The following RNF4 variants were observed in gnomAD, a reference collection of about 807,000 sequenced individuals.
RNF4 encodes the protein ring finger protein 4.
A neutral mutation model predicts 24.3 loss-of-function variants in RNF4; 7 were observed. The ratio of observed to expected loss-of-function variants is 0.29; its 90% CI spans 0.16 to 0.54. RNF4 has a LOEUF of 0.54. Among genes scored for constraint, RNF4 ranks in the 20% least tolerant of loss-of-function variants. RNF4 has a pLI of 0.95. For synonymous variants in RNF4, 83 were observed against 84.3 expected (o/e 0.98, Z 0.09); for missense variants, 209 against 248.5 (o/e 0.84, Z 1.07).
Position 2,512,964 on chromosome 4 carries a change from A to C in RNF4, c.375-119A>C, listed in dbSNP as rs1560415595. 1.0e-6 allele frequency: 1 copy of C among 983,092 alleles called. No individual in the cohort carries two copies. Among genetic ancestry groups the C allele is most frequent in the East Asian group, 2.4e-5 (1 of 41,936 alleles). 60.9% of individuals were successfully genotyped at this position (983,092 alleles called of 1,614,324 possible). On this transcript the variant is annotated intron_variant, in intron 6 of 7. Coordinates refer to ENST00000314289, the MANE Select transcript of RNF4 (RefSeq NM_002938.5). The surrounding 1 kb of genome is among the most constrained non-coding windows in gnomAD (Gnocchi z 4.1). ...GAAAGTCTCTCGGATGCCCGCGCTAAGGCAGAGTCAGGAGGCCAGGGACGG... is the reference window on the plus strand; with the variant it reads ...GAAAGTCTCTCGGATGCCCGCGCTACGGCAGAGTCAGGAGGCCAGGGACGG...
intron 2 of RNF4, among the ~76,000 whole-genome samples, chr4:2,492,069 G>A (rs1380122836): frequency 6.6e-6 from 1 of 151,934 alleles, no homozygotes. Context: ...ATAGTTGGCG[G>A]GCGCCTGTAG....
At chr4:2,493,072 G>C (rs1735627623) in intron 2 of RNF4, among the ~76,000 whole-genome samples, 1 of 152,146 alleles carries the variant, frequency 6.6e-6, no homozygotes. Context: ...GCCAGAGTGG[G>C]GAGCTCTGCA....
intron 1 of RNF4, 187 bp downstream of exon 1, chr4:2,469,445 C>G (rs922849762): frequency 6.6e-6 from 1 of 152,212 alleles, no homozygotes; most frequent in Non-Finnish European, 1.5e-5. Context: ...CGGCTTGGCG[C>G]GGGCAACAGA....
chr4:2,486,264 A>G (rs2108757840), intron 1 of RNF4, among the ~76,000 whole-genome samples: 1 of 152,292 alleles, frequency 6.6e-6, no homozygotes, highest in South Asian at 2.1e-4. Flanking sequence ...AGCTGTTGTT[A>G]GTTTTCTTAT....
intron 1 of RNF4, among the ~76,000 whole-genome samples, chr4:2,476,833 A>G (rs1350491130): frequency 6.7e-6 from 1 of 150,054 alleles, no homozygotes; most frequent in African/African-American, 2.5e-5. Flanking sequence ...TTTTAAAGAC[A>G]GAATCTTGTT....
intron 1 of RNF4, among the ~76,000 whole-genome samples, chr4:2,488,993 A>G (rs1434637989): frequency 1.3e-5 from 2 of 151,960 alleles, no homozygotes; most frequent in African/African-American, 2.4e-5. Context: ...TGTATTTTCT[A>G]GTAGAGACGG....
intron 1 of RNF4, among the ~76,000 whole-genome samples, chr4:2,474,858 C>T (rs1578496322): frequency 1.3e-5 from 2 of 152,056 alleles, no homozygotes; most frequent in Admixed American, 6.6e-5. Context: ...AACCCCGTCT[C>T]GACTAAAAAT....
At chr4:2,474,606 G>A (rs1735011214) in intron 1 of RNF4, among the ~76,000 whole-genome samples, 1 of 152,162 alleles carries the variant, frequency 6.6e-6, no homozygotes, top group South Asian at 2.1e-4. Context: ...GGGTTTGAAA[G>A]GATTGACTCC....
At chr4:2,501,763 C>T (rs907206541) in intron 4 of RNF4, among the ~76,000 whole-genome samples, 2 of 152,216 alleles carry the variant, frequency 1.3e-5, no homozygotes, top group East Asian at 1.9e-4. Context: ...GTAGCTGAGT[C>T]TTCGCCTTGG....
chr4:2,474,859 G>T (rs182062977), intron 1 of RNF4, among the ~76,000 whole-genome samples: 6 of 151,894 alleles, frequency 4.0e-5, no homozygotes, highest in Admixed American at 2.0e-4. Flanking sequence ...ACCCCGTCTC[G>T]ACTAAAAATA....
chr4:2,475,285 C>A (rs1365316436), intron 1 of RNF4, among the ~76,000 whole-genome samples: 2 of 152,226 alleles, frequency 1.3e-5, no homozygotes, highest in African/African-American at 4.8e-5. Flanking sequence ...CTCACCTCAG[C>A]CTCCCAAGTA....
intron 4 of RNF4, among the ~76,000 whole-genome samples, chr4:2,504,492 A>G (rs888420661): frequency 1.3e-5 from 2 of 151,684 alleles, no homozygotes; most frequent in South Asian, 2.1e-4. Context: ...TCTTTTGTGA[A>G]GTGCCTGTTT....
chr4:2,492,067 C>T (rs539661868), intron 2 of RNF4, among the ~76,000 whole-genome samples: 6 of 151,940 alleles, frequency 3.9e-5, no homozygotes, highest in East Asian at 1.9e-4. Flanking sequence ...GCATAGTTGG[C>T]GGGCGCCTGT....
At chr4:2,490,610 C>T (rs1578510020) in intron 2 of RNF4, 108 bp downstream of exon 2, 11 of 1,201,568 alleles carry the variant, frequency 9.2e-6, no homozygotes, top group South Asian at 6.7e-5. Context: ...TTCTAAGTAA[C>T]CCCACTTCTT....
At chr4:2,484,150 G>A (rs1735335725) in intron 1 of RNF4, among the ~76,000 whole-genome samples, 1 of 142,616 alleles carries the variant, frequency 7.0e-6, no homozygotes, top group Non-Finnish European at 1.5e-5. Flanking sequence ...TTTTCAGTGG[G>A]TAATTGTATC....
intron 2 of RNF4, among the ~76,000 whole-genome samples, chr4:2,491,473 G>T (rs1200367002): frequency 6.6e-6 from 1 of 151,792 alleles, no homozygotes; most frequent in Non-Finnish European, 1.5e-5. Flanking sequence ...TTTTGAGATG[G>T]AGTCTGTTGC....
chr4:2,512,250 T>G lies in RNF4; in HGVS notation c.215-188T>G. The G allele has an allele frequency of 2.7e-6, 2 of 734,318 alleles. No homozygotes were observed. The highest frequency in any genetic ancestry group is 2.2e-6 in the Non-Finnish European group (1 of 447,266). The allele number at this position is 734,318 out of a possible 1,614,324, so 45.5% of individuals were successfully genotyped here. On this transcript the variant is annotated intron_variant, in intron 5 of 7. Coordinates refer to ENST00000314289, the MANE Select transcript of RNF4 (RefSeq NM_002938.5). This position sits in a 1 kb window ranked among gnomAD's most constrained non-coding sequence, Gnocchi z 4.1. ...ACAGCAGGGGTTGGGGGGTTTCTCC[T>G]GGGAAGATAAGATAGTGGCCTCCAG...
rs780396624 is a variant in RNF4, at chr4:2,490,458, C to G, written c.-36C>G. ...TGCAAACCTTGGTATAGATCACTTCCTTTTCTGTAGGAAAGGAAAGGCACC... is the reference window on the plus strand; with the variant it reads ...TGCAAACCTTGGTATAGATCACTTCGTTTTCTGTAGGAAAGGAAAGGCACC... On this transcript the variant is annotated 5_prime_UTR_variant, in exon 2 of 8. Coordinates refer to ENST00000314289, the MANE Select transcript of RNF4 (RefSeq NM_002938.5). The G allele has an allele frequency of 5.6e-6, 9 of 1,610,608 alleles. No homozygotes were observed. The East Asian group carries it at 2.0e-4, about 36-fold the overall frequency.
intron 1 of RNF4, 48 bp downstream of exon 1, chr4:2,469,306 A>G (rs1469847403): frequency 6.6e-6 from 1 of 152,180 alleles, no homozygotes; most frequent in Non-Finnish European, 1.5e-5. Context: ...TTCGCGGCCT[A>G]CAGAGGCCTC....
Sources: gnomAD v4.1 joint callset for allele counts (sites outside exome capture counted in the v4.1 genomes callset) on GRCh38, gnomAD v4.1.1 for gene constraint, Gnocchi (gnomAD v3.1) non-coding constraint, MANE v1.5 for transcripts, NCBI Gene and HGNC (gene_info 2026-07-23, HGNC 2026-07-21) for gene names.